Variants in SMYD3 observed in about 807,000 individuals in gnomAD.
SMYD3 encodes the protein SET and MYND domain containing 3, also known as histone-lysine N-methyltransferase SMYD3.
SMYD3 carries 36 observed loss-of-function variants against 57.7 expected under a neutral mutation model. That is an observed-to-expected ratio of 0.62 (90% confidence interval 0.48 to 0.82). The LOEUF is 0.82. Among genes scored for constraint, SMYD3 ranks in the 40% least tolerant of loss-of-function variants. The pLI is 0.00. For missense variants in SMYD3, 515 were observed against 538.8 expected, an observed-to-expected ratio of 0.96 and a Z score of 0.44; for synonymous variants, 211 against 195.0, an observed-to-expected ratio of 1.08 and a Z score of -0.68.
Position 245,915,530 on chromosome 1 carries a change from C to T in SMYD3, c.813G>A (p.Lys271=). 1 of 1,607,216 alleles carries T rather than the reference C, an allele frequency of 6.2e-7. No homozygotes were observed. Among genetic ancestry groups the T allele is most frequent in the Non-Finnish European group, 8.5e-7 (1 of 1,174,042 alleles). ...CDCFRCQTQD[K]DADMLTGDEQ... ...TTCAATCTGGTTCCATACTACATAC[C>T]TTGTCCTGGGTTTGGCAACGGAAAC... Residue 271 remains lysine, a splice_region_variant and synonymous_variant, in exon 8 of 12, where the codon AAG becomes AAA. Coordinates refer to ENST00000490107, the MANE Select transcript of SMYD3 (RefSeq NM_001167740.2).
intron 1 of SMYD3, among the ~76,000 whole-genome samples, chr1:246,462,222 A>C (rs544424438): frequency 2.0e-4 from 18 of 91,046 alleles, no homozygotes; most frequent in Middle Eastern, 5.6e-3. Flanking sequence ...TGCTGGGTAC[A>C]GTGCATCCTC....
In SMYD3 at chr1:245,923,291, CA is replaced by C. The variant is rs771050497; in HGVS notation, c.702+4639del. ...AAAAACAGTAACATTTGTAAACATG[CA>C]GGAAAAAAAAAACAAGAAAATCTGG... On this transcript the variant is annotated intron_variant, in intron 7 of 11. Transcript: ENST00000490107. Among the ~76,000 whole-genome samples the C allele has an allele frequency of 1.0e-3, 150 of 149,820 alleles. 1 individual carries two copies. The highest frequency in any genetic ancestry group is 1.8e-3 in the Non-Finnish European group (121 of 67,372).
intron 5 of SMYD3, among the ~76,000 whole-genome samples, chr1:246,086,954 A>C (rs566059483): frequency 3.9e-5 from 6 of 152,016 alleles, no homozygotes; most frequent in Non-Finnish European, 5.9e-5. Context: ...TTCAGCTCCC[A>C]CTTATGAGTG....
At chr1:246,215,430 G>A (rs759687012) in intron 5 of SMYD3, among the ~76,000 whole-genome samples, 1 of 152,072 alleles carries the variant, frequency 6.6e-6, no homozygotes, top group African/African-American at 2.4e-5. Context: ...CTTACTTGGC[G>A]CTCATTACTG....
chr1:246,376,589 T>TA (rs55996523), intron 1 of SMYD3, among the ~76,000 whole-genome samples: 14,234 of 84,940 alleles, frequency 0.17, 1,324 homozygotes, highest in East Asian at 0.35. Context: ...ACACTCCATC[T>TA]AAAAAAAAAA....
chr1:246,201,291 G>A (rs937104699), intron 5 of SMYD3, among the ~76,000 whole-genome samples: 1 of 152,082 alleles, frequency 6.6e-6, no homozygotes, highest in African/African-American at 2.4e-5. Context: ...AATCCCTAAT[G>A]GCAGTCAACC....
At chr1:245,956,445 A>G (rs2057842891) in intron 5 of SMYD3, among the ~76,000 whole-genome samples, 1 of 152,244 alleles carries the variant, frequency 6.6e-6, no homozygotes, top group Non-Finnish European at 1.5e-5. Context: ...AGCTGACACA[A>G]GTGAGGGAGC....
chr1:246,228,412 A>G lies in SMYD3; in HGVS notation c.531+98789T>C, dbSNP rs78161852. Among the ~76,000 whole-genome samples, 29 of 152,316 alleles carry G rather than the reference A, an allele frequency of 1.9e-4. No homozygotes were observed. In the East Asian group the frequency reaches 4.0e-3, roughly 21 times the overall value. ...TTTTAAGACAACACAAAGTTCATAG[A>G]GTAATGGACTGTGTGGTACTCCTAC... On this transcript the variant is annotated intron_variant, in intron 5 of 11. Coordinates refer to ENST00000490107, the MANE Select transcript of SMYD3 (RefSeq NM_001167740.2).
chr1:246,223,350 G>T (rs1489875822), intron 5 of SMYD3, among the ~76,000 whole-genome samples: 1 of 152,110 alleles, frequency 6.6e-6, no homozygotes, highest in Non-Finnish European at 1.5e-5. Context: ...ATGACAGAAA[G>T]AATTAATCAA....
chr1:246,040,930 A>T (rs534300191), intron 5 of SMYD3, among the ~76,000 whole-genome samples: 1 of 152,352 alleles, frequency 6.6e-6, no homozygotes, highest in South Asian at 2.1e-4. Flanking sequence ...TCCAAGAACC[A>T]CATGGTAGAA....
Position 245,855,453 on chromosome 1 carries a change from C to T in SMYD3, c.1076+3043G>A, listed in dbSNP as rs1213399006. On this transcript the variant is annotated intron_variant, in intron 10 of 11. Coordinates refer to ENST00000490107, the MANE Select transcript of SMYD3 (RefSeq NM_001167740.2). The stretch of plus-strand genomic sequence containing the variant: ...AAAATGCATCCCAAGTTCTGAACTA[C>T]TAATTGGCGAATTAACATTAGACTA... 2.0e-5 allele frequency among the ~76,000 whole-genome samples: 3 copies of T among 152,084 alleles called. No homozygotes were observed. In the East Asian group the frequency reaches 5.8e-4, roughly 29 times the overall value.
chr1:246,152,562 G>C (rs1465077017), intron 5 of SMYD3, among the ~76,000 whole-genome samples: 1 of 152,200 alleles, frequency 6.6e-6, no homozygotes, highest in Admixed American at 6.5e-5. Context: ...TACGCACTGA[G>C]TGAAGATTTT....
intron 5 of SMYD3, among the ~76,000 whole-genome samples, chr1:246,108,985 T>A (rs1263073505): frequency 6.6e-6 from 1 of 152,210 alleles, no homozygotes; most frequent in East Asian, 1.9e-4. Context: ...TAGGGTTACA[T>A]CTTTGCTCTG....
At chr1:245,996,487 C>T (rs7521932) in intron 5 of SMYD3, among the ~76,000 whole-genome samples, 151,835 of 152,296 alleles carry the variant, frequency 1, 75,691 homozygotes, top group Middle Eastern at 1. Flanking sequence ...CCCTTGAAAA[C>T]TGAACAAATA....
chr1:245,903,532 G>C (rs532027865), intron 8 of SMYD3, among the ~76,000 whole-genome samples: 4 of 152,104 alleles, frequency 2.6e-5, no homozygotes, highest in Non-Finnish European at 5.9e-5. Flanking sequence ...CGCCAGATGA[G>C]CATTCACAGT....
At chr1:246,417,097 T>C (rs2067075378) in intron 1 of SMYD3, among the ~76,000 whole-genome samples, 1 of 152,170 alleles carries the variant, frequency 6.6e-6, no homozygotes, top group Non-Finnish European at 1.5e-5. Flanking sequence ...CAACTTCCCA[T>C]AACTTGTGGG....
At chr1:245,750,531 T>C (rs374964850) in intron 11 of SMYD3, among the ~76,000 whole-genome samples, 15 of 152,130 alleles carry the variant, frequency 9.9e-5, no homozygotes, top group South Asian at 4.1e-4. Flanking sequence ...CCAGACATTG[T>C]AGAAAAGAAG....
chr1:245,916,687 T>C (rs999112343), intron 7 of SMYD3, among the ~76,000 whole-genome samples: 3 of 152,204 alleles, frequency 2.0e-5, no homozygotes, highest in African/African-American at 7.2e-5. Flanking sequence ...GAGCCATCAT[T>C]ACCTCTCACC....
In SMYD3 at chr1:246,507,044, C is replaced by T. The variant is rs1328572415; in HGVS notation, c.164+10G>A. 1 of 1,502,206 alleles carries T rather than the reference C, an allele frequency of 6.7e-7. No individual in the cohort carries two copies. Among genetic ancestry groups the T allele is most frequent in the African/African-American group, 1.5e-5 (1 of 68,388 alleles). The allele number at this position is 1,502,206 out of a possible 1,614,324, so 93.1% of individuals were successfully genotyped here. ...CGCGACTCAGGTAGGCGAGGGCGCTCCTTACGCACCCGAGAAGGCAGCGGT... is the reference window on the plus strand; with the variant it reads ...CGCGACTCAGGTAGGCGAGGGCGCTTCTTACGCACCCGAGAAGGCAGCGGT... On this transcript the variant is annotated intron_variant, in intron 1 of 11. Transcript: ENST00000490107.
Sources: gnomAD v4.1 joint callset for allele counts (sites outside exome capture counted in the v4.1 genomes callset) on GRCh38, gnomAD v4.1.1 for gene constraint, MANE v1.5 for transcripts, NCBI Gene and HGNC (gene_info 2026-07-23, HGNC 2026-07-21) for gene names.